Variants in COG5 observed in about 807,000 individuals in gnomAD.
COG5 encodes the protein component of oligomeric golgi complex 5.
COG5 carries 86 observed loss-of-function variants against 110.4 expected under a neutral mutation model. The ratio of observed to expected loss-of-function variants is 0.78; its 90% CI spans 0.65 to 0.93. The LOEUF (loss-of-function observed/expected upper bound fraction) is 0.93, where lower values mean the gene tolerates loss of function less well. COG5 is among the 40% of genes least tolerant of loss of function. COG5 has a pLI of 0.00. For missense variants in COG5, 1,077 were observed against 987.0 expected (o/e 1.09, Z -1.22); for synonymous variants, 360 against 334.6 (o/e 1.08, Z -0.83).
chr7:107,531,073 T>C (rs908364880), intron 5 of COG5, among the ~76,000 whole-genome samples: 2 of 152,110 alleles, frequency 1.3e-5, no homozygotes, highest in Non-Finnish European at 2.9e-5. Context: ...GAAGTACAAA[T>C]ACCTAAGTGC....
intron 6 of COG5, among the ~76,000 whole-genome samples, chr7:107,459,289 C>A (rs1795849071): frequency 6.6e-6 from 1 of 151,834 alleles, no homozygotes; most frequent in Non-Finnish European, 1.5e-5. Context: ...ATAGAATGAA[C>A]CTGGAATAGC....
Position 107,203,510 on chromosome 7 carries a change from A to C in COG5, c.*6T>G. 3 of 1,596,346 alleles carry C rather than the reference A, an allele frequency of 1.9e-6. No individual in the cohort carries two copies. The highest frequency in any genetic ancestry group is 2.6e-6 in the Non-Finnish European group (3 of 1,163,740). On this transcript the variant is annotated 3_prime_UTR_variant, in exon 22 of 22. Transcript: ENST00000297135. ...CAAAGTGGAGATGAACAAAGATTTC[A>C]TGTCATTACTGAAGAGCAGACATAG...
intron 21 of COG5, chr7:107,209,293 A>T (rs1798991798): frequency 2.1e-6 from 2 of 962,124 alleles, no homozygotes; most frequent in Middle Eastern, 5.3e-4. Context: ...ATGATGATGT[A>T]AAGGTTTTCC....
intron 6 of COG5, among the ~76,000 whole-genome samples, chr7:107,456,420 T>C (rs760351779): frequency 2.9e-4 from 44 of 152,318 alleles, no homozygotes; most frequent in African/African-American, 2.9e-4. Flanking sequence ...TTTCAGATAT[T>C]AGACAGCAGG....
At chr7:107,321,836 C>A (rs1809320059) in intron 11 of COG5, among the ~76,000 whole-genome samples, 1 of 152,002 alleles carries the variant, frequency 6.6e-6, no homozygotes, top group African/African-American at 2.4e-5. Context: ...AAAAAAAGTA[C>A]AAATTATTTA....
intron 14 of COG5, 93 bp from the exon 15 acceptor site, chr7:107,258,476 A>T: frequency 1.3e-6 from 1 of 790,864 alleles, no homozygotes. Flanking sequence ...ACACACACAC[A>T]CACATTCTTT....
At chr7:107,461,899 AGTGGAGAAAT>A (rs1796015040) in intron 6 of COG5, among the ~76,000 whole-genome samples, 1 of 152,242 alleles carries the variant, frequency 6.6e-6, no homozygotes, top group Non-Finnish European at 1.5e-5. Flanking sequence ...AACCTAAATA[AGTGGAGAAAT>A]ATACCATGTT....
chr7:107,205,970 T>C (rs372926380), intron 21 of COG5, among the ~76,000 whole-genome samples: 1 of 147,544 alleles, frequency 6.8e-6, no homozygotes, highest in African/African-American at 2.5e-5. Flanking sequence ...TTTTTTTTTT[T>C]ATTTTTTTGA....
intron 10 of COG5, among the ~76,000 whole-genome samples, chr7:107,324,964 G>A (rs1458529600): frequency 6.6e-6 from 1 of 152,080 alleles, no homozygotes; most frequent in East Asian, 1.9e-4. Flanking sequence ...GGCAATTTGT[G>A]TGACTATAAC....
At position 107,369,580 on chromosome 7, in the gene COG5, G is replaced by A. The variant is rs186488638; in HGVS notation, c.835+3015C>T. ...TTTTCTGTATTTTTAGTAGAGAGGG[G>A]GTTTTACCATGTTGGCCAGGCTGGT... On this transcript the variant is annotated intron_variant, in intron 8 of 21. Coordinates refer to ENST00000297135, the MANE Select transcript of COG5 (RefSeq NM_006348.5). 5.3e-3 allele frequency among the ~76,000 whole-genome samples: 806 copies of A among 151,668 alleles called. 5 individuals are homozygous for A. The highest frequency in any genetic ancestry group is 0.019 in the African/African-American group (771 of 41,342).
At chr7:107,311,674 T>G (rs1424558765) in intron 11 of COG5, among the ~76,000 whole-genome samples, 1 of 151,536 alleles carries the variant, frequency 6.6e-6, no homozygotes, top group Non-Finnish European at 1.5e-5. Flanking sequence ...ATTACAGGCG[T>G]GAGCCACCGC....
intron 18 of COG5, among the ~76,000 whole-genome samples, chr7:107,232,527 C>G (rs1306527834): frequency 6.6e-6 from 1 of 152,110 alleles, no homozygotes; most frequent in Admixed American, 6.5e-5. Context: ...AGCACTTGAG[C>G]AGGACCAAAT....
At chr7:107,486,735 T>A (rs1797677889) in intron 6 of COG5, among the ~76,000 whole-genome samples, 1 of 152,182 alleles carries the variant, frequency 6.6e-6, no homozygotes, top group Non-Finnish European at 1.5e-5. Flanking sequence ...ATGTAAGAAT[T>A]TATTATGAAA....
chr7:107,401,694 T>C (rs1791444772), intron 7 of COG5, among the ~76,000 whole-genome samples: 1 of 152,146 alleles, frequency 6.6e-6, no homozygotes, highest in Non-Finnish European at 1.5e-5. Context: ...TGGGACCAAA[T>C]ATACAAAGGA....
At position 107,202,519 on chromosome 7, in the gene COG5, C is replaced by T. The variant is rs886061869; in HGVS notation, c.*997G>A. The T allele has an allele frequency of 1.3e-5, 2 of 152,356 alleles. No individual in the cohort carries two copies. Among genetic ancestry groups the T allele is most frequent in the Non-Finnish European group, 2.9e-5 (2 of 67,984 alleles). 9.4% of individuals were successfully genotyped at this position (152,356 alleles called of 1,614,324 possible). A position where few individuals can be genotyped will look rare whatever the true frequency, so the allele number is the denominator to read the frequency against. Reference sequence around the variant, plus strand: ...TTCAAATAAATGGAAAAAAAAGTTGCTTATCTCTGACGTCTACTGATTGAT... The same window carrying T: ...TTCAAATAAATGGAAAAAAAAGTTGTTTATCTCTGACGTCTACTGATTGAT... On this transcript the variant is annotated 3_prime_UTR_variant, in exon 22 of 22. Transcript: ENST00000297135.
chr7:107,489,385 A>G (rs533678716), intron 6 of COG5, among the ~76,000 whole-genome samples: 1 of 152,310 alleles, frequency 6.6e-6, no homozygotes, highest in South Asian at 2.1e-4. Flanking sequence ...GCCATCTATC[A>G]CATTAAATTT....
At chr7:107,208,997 A>C in intron 21 of COG5, 1 of 970,732 alleles carries the variant, frequency 1.0e-6, no homozygotes, top group Non-Finnish European at 1.2e-6. Context: ...TACCCTGGAG[A>C]TTCTGAGGTA....
At chr7:107,351,964 T>C (rs1192871163) in intron 10 of COG5, among the ~76,000 whole-genome samples, 1 of 146,892 alleles carries the variant, frequency 6.8e-6, no homozygotes, top group East Asian at 2.0e-4. Flanking sequence ...TTACTGGGTA[T>C]ATACCCAAAG....
At chr7:107,478,107 AAGCCCTTAGT>A (rs1280027382) in intron 6 of COG5, among the ~76,000 whole-genome samples, 1 of 151,906 alleles carries the variant, frequency 6.6e-6, no homozygotes, top group East Asian at 1.9e-4. Flanking sequence ...AAAGGATAAG[AAGCCCTTAGT>A]AGCCCTTAGT....
Sources: gnomAD v4.1 joint callset for allele counts (sites outside exome capture counted in the v4.1 genomes callset) on GRCh38, gnomAD v4.1.1 for gene constraint, MANE v1.5 for transcripts, NCBI Gene and HGNC (gene_info 2026-07-23, HGNC 2026-07-21) for gene names.